The following PGM2 variants were observed in gnomAD, a reference collection of about 807,000 sequenced individuals.
PGM2 encodes the protein phosphoglucomutase 2.
PGM2 carries 57 observed loss-of-function variants against 74.6 expected under a neutral mutation model. The ratio of observed to expected loss-of-function variants is 0.76; its 90% CI spans 0.62 to 0.95. The LOEUF is 0.95. PGM2 is among the 40% of genes least tolerant of loss of function. The probability of loss-of-function intolerance (pLI) is 0.00; values close to 1 mark genes in which losing one functional copy is unlikely to be tolerated. For missense variants in PGM2, 706 were observed against 741.9 expected (o/e 0.95, Z 0.56); for synonymous variants, 273 against 260.7 (o/e 1.05, Z -0.46).
chr4:37,860,497 C>T (rs1472813770), intron 13 of PGM2, among the ~76,000 whole-genome samples: 1 of 152,168 alleles, frequency 6.6e-6, no homozygotes, highest in Non-Finnish European at 1.5e-5. Context: ...AGCCACTTGC[C>T]CAAGGGCACA....
Position 37,861,589 on chromosome 4 carries a change from A to T in PGM2, c.1816A>T (p.Asn606Tyr). 3 of 1,612,318 alleles carry T rather than the reference A, an allele frequency of 1.9e-6. No homozygotes were observed. The highest frequency in any genetic ancestry group is 2.5e-6 in the Non-Finnish European group (3 of 1,178,462). The change falls in exon 14 of 14, where the codon AAT (asparagine) becomes TAT (tyrosine). Residue 606 changes from asparagine to tyrosine, a missense_variant. Asn to Tyr is a moderately radical substitution (Grantham distance 143). This residue lies in a region of PGM2 where 359 missense variants were observed against 371.1 expected (regional missense o/e 0.97). Coordinates refer to ENST00000381967, the MANE Select transcript of PGM2 (RefSeq NM_018290.4). ...ACATTTTTTCCAGCCACAGAAGTAC[A>T]ATCTGCAGCCAAAAGCAGACTAAAA... is the stretch of plus-strand genomic sequence containing the variant. ...EEHFFQPQKY[N>Y]LQPKAD is the part of the protein sequence containing the mutation.
intron 12 of PGM2, among the ~76,000 whole-genome samples, chr4:37,855,105 C>T (rs1726158036): frequency 6.6e-6 from 1 of 152,100 alleles, no homozygotes; most frequent in Admixed American, 6.6e-5. Flanking sequence ...CTATAGTCAC[C>T]GTATTGTACA....
Position 37,853,422 on chromosome 4 carries a change from T to C in PGM2, c.1603-2186T>C, listed in dbSNP as rs116997249. Among the ~76,000 whole-genome samples, 93 of 150,244 alleles carry C rather than the reference T, an allele frequency of 6.2e-4. 1 individual carries two copies. In the East Asian group the frequency reaches 0.015, roughly 25 times the overall value. On this transcript the variant is annotated intron_variant, in intron 12 of 13. Transcript: ENST00000381967. ...CTTACCTCTCTAAGGATTATAGACCTAATTATAGTTTTTTAAAAATATATG... is the reference window on the plus strand; with the variant it reads ...CTTACCTCTCTAAGGATTATAGACCCAATTATAGTTTTTTAAAAATATATG...
chr4:37,851,781 A>G (rs1487417657), intron 12 of PGM2, among the ~76,000 whole-genome samples: 1 of 152,096 alleles, frequency 6.6e-6, no homozygotes, highest in African/African-American at 2.4e-5. Context: ...CGCTTTCTAC[A>G]TTCAATAATT....
intron 3 of PGM2, among the ~76,000 whole-genome samples, chr4:37,835,964 T>G (rs1725557069): frequency 6.6e-6 from 1 of 152,234 alleles, no homozygotes; most frequent in Non-Finnish European, 1.5e-5. Context: ...CATTTACAGT[T>G]AGTGGATGTA....
In PGM2 at chr4:37,834,708, G is replaced by A; in HGVS notation, c.340G>A (p.Gly114Arg). 1 of 1,496,954 alleles carries A rather than the reference G, an allele frequency of 6.7e-7. No homozygotes were observed. The highest frequency in any genetic ancestry group is 9.3e-7 in the Non-Finnish European group (1 of 1,078,820). 92.7% of individuals were successfully genotyped at this position (1,496,954 alleles called of 1,614,324 possible). A position where few individuals can be genotyped will look rare whatever the true frequency, so the allele number is the denominator to read the frequency against. Residue 114 changes from glycine (G) to arginine (R), a missense_variant, in exon 3 of 14, where the codon GGG becomes AGG. Coordinates refer to ENST00000381967, the MANE Select transcript of PGM2 (RefSeq NM_018290.4). ...SFDARAHPSS[G>R]GSSRRFARLA... ...TGACGCCCGAGCTCATCCATCCAGT[G>A]GGGGTAGCAGCAGAAGGTATTTAAA...
At chr4:37,846,805 C>A (rs1451547609) in intron 8 of PGM2, 126 bp from the exon 9 acceptor site, 9 of 719,610 alleles carry the variant, frequency 1.3e-5, no homozygotes, top group Non-Finnish European at 2.1e-5. Context: ...TGATGAATAA[C>A]AAGAACAGCC....
intron 6 of PGM2, among the ~76,000 whole-genome samples, chr4:37,842,775 C>T (rs1220818886): frequency 6.6e-6 from 1 of 152,076 alleles, no homozygotes; most frequent in Admixed American, 6.6e-5. Flanking sequence ...ATGCTCCTGC[C>T]TCAGCCCTCT....
intron 12 of PGM2, among the ~76,000 whole-genome samples, chr4:37,854,700 T>C (rs1166037921): frequency 6.6e-6 from 1 of 151,752 alleles, no homozygotes; most frequent in Non-Finnish European, 1.5e-5. Context: ...AAACTCCTTA[T>C]GGAATTTTCT....
chr4:37,829,854 A>G (rs924611305), intron 1 of PGM2, 110 bp from the exon 2 acceptor site: 9 of 337,566 alleles, frequency 2.7e-5, no homozygotes, highest in East Asian at 1.6e-4. Context: ...CTACATATAT[A>G]TATATACATA....
chr4:37,841,694 A>C (rs533512649), intron 6 of PGM2, among the ~76,000 whole-genome samples: 2 of 152,330 alleles, frequency 1.3e-5, no homozygotes, highest in African/African-American at 4.8e-5. Context: ...TGTGTAGTCC[A>C]GACAAAATAC....
chr4:37,861,388 T>C (rs1167254595), intron 13 of PGM2, 122 bp from the exon 14 acceptor site: 2 of 634,694 alleles, frequency 3.2e-6, no homozygotes, highest in Non-Finnish European at 5.7e-6. Flanking sequence ...TTCTCTTTTT[T>C]TTCCTATTTA....
chr4:37,827,046 C>T (rs1177790103), intron 1 of PGM2, among the ~76,000 whole-genome samples: 1 of 152,246 alleles, frequency 6.6e-6, no homozygotes, highest in Admixed American at 6.5e-5. Flanking sequence ...ACCAGCCATC[C>T]GGCCGGCCGG....
Position 37,856,167 on chromosome 4 carries a change from C to CTT in PGM2, c.1736+426_1736+427insTT, listed in dbSNP as rs1199183754. 2.5e-4 allele frequency among the ~76,000 whole-genome samples: 38 copies of CTT among 151,922 alleles called. No individual in the cohort carries two copies. In the Admixed American group the frequency reaches 2.5e-3, roughly 10 times the overall value. ...TTGGGAGGCCGAGGCAGGCGGATCA[C>CTT]GAGGTCAGGAGATTGAGACCATCCT... On this transcript the variant is annotated intron_variant, in intron 13 of 13. Transcript: ENST00000381967.
intron 12 of PGM2, among the ~76,000 whole-genome samples, chr4:37,852,131 C>CTTT (rs1162747775): frequency 1.0e-5 from 1 of 98,822 alleles, no homozygotes; most frequent in Non-Finnish European, 2.2e-5. Flanking sequence ...TCATGCCCAG[C>CTTT]TCTTTTTTTT....
At chr4:37,848,949 A>G (rs953581563) in intron 11 of PGM2, among the ~76,000 whole-genome samples, 1 of 152,020 alleles carries the variant, frequency 6.6e-6, no homozygotes, top group Non-Finnish European at 1.5e-5. Flanking sequence ...GGGCACCTGT[A>G]ATCCCAGCTA....
intron 1 of PGM2, 21 bp downstream of exon 1, chr4:37,826,834 GGGAGCGCCT>G (rs1489377980): frequency 6.7e-7 from 1 of 1,491,808 alleles, no homozygotes; most frequent in African/African-American, 1.4e-5. Context: ...CCAGCAGGCG[GGGAGCGCCT>G]GGAGCGGGGC....
At chr4:37,849,186 A>C (rs1380312415) in intron 11 of PGM2, among the ~76,000 whole-genome samples, 2 of 152,174 alleles carry the variant, frequency 1.3e-5, no homozygotes, top group Non-Finnish European at 2.9e-5. Flanking sequence ...TGACAACATG[A>C]AAGAATGTGA....
chr4:37,832,122 G>A (rs1407952309), intron 2 of PGM2, among the ~76,000 whole-genome samples: 1 of 152,194 alleles, frequency 6.6e-6, no homozygotes, highest in Non-Finnish European at 1.5e-5. Context: ...TAAAGGTCAT[G>A]TAATTCAACC....
Sources: allele counts gnomAD v4.1 joint callset (sites outside exome capture counted in the v4.1 genomes callset), GRCh38; gene constraint gnomAD v4.1.1; regional missense constraint gnomAD v4.1.1; transcripts MANE v1.5; gene names NCBI Gene and HGNC (gene_info 2026-07-23, HGNC 2026-07-21).